The following AGBL4 variants were observed in gnomAD, a reference collection of about 807,000 sequenced individuals.
The protein encoded by AGBL4 is AGBL carboxypeptidase 4.
A neutral mutation model predicts 66.4 loss-of-function variants in AGBL4; 58 were observed. The observed-to-expected ratio is 0.87, with a 90% confidence interval of 0.71 to 1.09. AGBL4 has a LOEUF of 1.09. AGBL4 is among the 50% of genes least tolerant of loss of function. AGBL4 has a pLI of 0.00. For missense variants in AGBL4, 579 were observed against 631.0 expected (o/e 0.92, Z 0.88); for synonymous variants, 234 against 222.9 (o/e 1.05, Z -0.44).
At chr1:49,677,994 A>G (rs1646614366) in intron 3 of AGBL4, among the ~76,000 whole-genome samples, 1 of 152,182 alleles carries the variant, frequency 6.6e-6, no homozygotes, top group South Asian at 2.1e-4. Flanking sequence ...TACGGCACCT[A>G]AAGCTGACTT....
intron 6 of AGBL4, among the ~76,000 whole-genome samples, chr1:48,799,433 T>C (rs1645761483): frequency 6.6e-6 from 1 of 152,170 alleles, no homozygotes. Context: ...AATCACATCA[T>C]TGGCAAACAG....
chr1:48,632,999 C>G (rs1386266159), intron 9 of AGBL4, among the ~76,000 whole-genome samples: 1 of 152,180 alleles, frequency 6.6e-6, no homozygotes, highest in East Asian at 1.9e-4. Context: ...AGGCAGCAAA[C>G]CACAATCATT....
intron 3 of AGBL4, among the ~76,000 whole-genome samples, chr1:49,632,576 G>A (rs1645591577): frequency 6.6e-6 from 1 of 152,124 alleles, no homozygotes; most frequent in African/African-American, 2.4e-5. Context: ...GCTGCCCACA[G>A]AATCACTCAG....
chr1:49,807,170 C>T lies in AGBL4; in HGVS notation c.157+44226G>A, dbSNP rs535963838. Among the ~76,000 whole-genome samples the T allele has an allele frequency of 4.6e-5, 7 of 152,222 alleles. No individual in the cohort carries two copies. The East Asian group carries it at 1.2e-3, about 25-fold the overall frequency. ...ACCTAGTGGGGTACAGCCACCCCCA[C>T]GATCCCAGACCAGTAGAGCCACTGG... On this transcript the variant is annotated intron_variant, in intron 2 of 13. Transcript: ENST00000371839.
At chr1:48,784,189 A>G (rs1645359266) in intron 6 of AGBL4, among the ~76,000 whole-genome samples, 1 of 152,188 alleles carries the variant, frequency 6.6e-6, no homozygotes, top group African/African-American at 2.4e-5. Flanking sequence ...TCTATGTAAA[A>G]TGCTTGGCAC....
intron 6 of AGBL4, among the ~76,000 whole-genome samples, chr1:48,745,509 C>G (rs1357559136): frequency 6.6e-6 from 1 of 152,162 alleles, no homozygotes; most frequent in African/African-American, 2.4e-5. Flanking sequence ...CTCCCATAGT[C>G]AGACTCCACT....
chr1:48,818,339 A>C, intron 6 of AGBL4: 1 of 704,858 alleles, frequency 1.4e-6, no homozygotes, highest in Non-Finnish European at 2.6e-6. Context: ...ATATTGCCTT[A>C]ATTGGGAGCC....
At chr1:49,251,945 C>A (rs1480434502) in intron 3 of AGBL4, among the ~76,000 whole-genome samples, 1 of 152,110 alleles carries the variant, frequency 6.6e-6, no homozygotes, top group Non-Finnish European at 1.5e-5. Flanking sequence ...CTGCAGGACA[C>A]AAAGATGAGA....
chr1:49,089,750 C>T (rs755118390), intron 4 of AGBL4, among the ~76,000 whole-genome samples: 69 of 152,064 alleles, frequency 4.5e-4, no homozygotes, highest in Non-Finnish European at 8.4e-4. Context: ...TTCTATGAGG[C>T]CAGCATCATC....
At chr1:48,611,041 C>T (rs1037586042) in intron 9 of AGBL4, among the ~76,000 whole-genome samples, 1 of 152,214 alleles carries the variant, frequency 6.6e-6, no homozygotes, top group South Asian at 2.1e-4. Context: ...GTCATTAACA[C>T]CCACTACAGG....
chr1:48,714,566 G>A (rs764156973), intron 6 of AGBL4, among the ~76,000 whole-genome samples: 9 of 151,968 alleles, frequency 5.9e-5, no homozygotes, highest in African/African-American at 1.7e-4. Context: ...AAGCCCCCTC[G>A]TTTCTGTTCT....
At chr1:49,734,483 T>C (rs1014560894) in intron 2 of AGBL4, among the ~76,000 whole-genome samples, 5 of 152,130 alleles carry the variant, frequency 3.3e-5, no homozygotes, top group African/African-American at 7.2e-5. Flanking sequence ...TGAAATTCTA[T>C]TGTAGTCCTG....
chr1:49,962,648 A>T (rs990031644), intron 1 of AGBL4, among the ~76,000 whole-genome samples: 2 of 152,180 alleles, frequency 1.3e-5, no homozygotes, highest in Non-Finnish European at 2.9e-5. Flanking sequence ...TTAGAATACA[A>T]TAGTAAGTGA....
intron 3 of AGBL4, among the ~76,000 whole-genome samples, chr1:49,531,171 A>G (rs541999305): frequency 6.6e-6 from 1 of 152,280 alleles, no homozygotes; most frequent in South Asian, 2.1e-4. Context: ...AAGAAAGAAA[A>G]GAACCCTAGC....
intron 11 of AGBL4, among the ~76,000 whole-genome samples, chr1:48,544,809 A>T (rs1374269554): frequency 6.6e-6 from 1 of 152,166 alleles, no homozygotes; most frequent in African/African-American, 2.4e-5. Flanking sequence ...TTCCATCTCC[A>T]GCCATTGTCT....
intron 3 of AGBL4, among the ~76,000 whole-genome samples, chr1:49,677,085 A>G (rs74377547): frequency 0.028 from 4,208 of 152,116 alleles, 167 homozygotes; most frequent in African/African-American, 0.096. Context: ...AGTTTAGGAA[A>G]CATTACCTGG....
intron 7 of AGBL4, among the ~76,000 whole-genome samples, chr1:48,660,119 G>A (rs1646084283): frequency 6.6e-6 from 1 of 152,216 alleles, no homozygotes; most frequent in African/African-American, 2.4e-5. Context: ...CGTAGTCACT[G>A]GAGAACAGGA....
intron 5 of AGBL4, among the ~76,000 whole-genome samples, chr1:48,908,078 G>A (rs942698372): frequency 1.3e-5 from 2 of 152,104 alleles, no homozygotes; most frequent in Non-Finnish European, 2.9e-5. Flanking sequence ...CAAAGTTTTT[G>A]CAGTTCTCTC....
At chr1:48,892,965 T>C (rs1178384859) in intron 5 of AGBL4, among the ~76,000 whole-genome samples, 1 of 152,136 alleles carries the variant, frequency 6.6e-6, no homozygotes, top group Non-Finnish European at 1.5e-5. Flanking sequence ...GGAATACAGT[T>C]AGACTCAGAA....
Sources: gnomAD v4.1 joint callset for allele counts (sites outside exome capture counted in the v4.1 genomes callset) on GRCh38, gnomAD v4.1.1 for gene constraint, MANE v1.5 for transcripts, NCBI Gene and HGNC (gene_info 2026-07-23, HGNC 2026-07-21) for gene names.